Variants in DRC11 observed in about 807,000 individuals in gnomAD.
The protein encoded by DRC11 is dynein regulatory complex subunit 11.
At chr2:236,435,935 A>G in the DRC11 span, among the ~76,000 whole-genome samples, 1 of 152,202 alleles carries the variant, frequency 6.6e-6, no homozygotes, top group African/African-American at 2.4e-5. Flanking sequence ...AAGAGCATTT[A>G]TGAGCCAAAG....
chr2:236,413,196 G>A, the DRC11 span, among the ~76,000 whole-genome samples: 1 of 152,116 alleles, frequency 6.6e-6, no homozygotes, highest in Non-Finnish European at 1.5e-5. The surrounding 1 kb of genome is among the most constrained non-coding windows in gnomAD (Gnocchi z 4.0). Flanking sequence ...TTTATAAAAG[G>A]GACCTCTTGA....
the DRC11 span, chr2:236,493,671 C>T: frequency 9.6e-7 from 1 of 1,038,002 alleles, no homozygotes. Flanking sequence ...TCTGCTTAAA[C>T]TGAAAATAAT....
chr2:236,389,445 C>A, the DRC11 span, among the ~76,000 whole-genome samples: 1 of 152,202 alleles, frequency 6.6e-6, no homozygotes, highest in African/African-American at 2.4e-5. Flanking sequence ...TCCGTCACCC[C>A]TTTCTTTGAC....
At chr2:236,395,821 T>C in the DRC11 span, among the ~76,000 whole-genome samples, 1 of 152,188 alleles carries the variant, frequency 6.6e-6, no homozygotes, top group Non-Finnish European at 1.5e-5. Flanking sequence ...CATCAGGGCA[T>C]TTTAAACAAA....
the DRC11 span, among the ~76,000 whole-genome samples, chr2:236,355,727 C>T: frequency 1.5e-5 from 2 of 137,166 alleles, no homozygotes; most frequent in African/African-American, 5.5e-5. Flanking sequence ...GTACATCTCT[C>T]TCTCTCTCTC....
chr2:236,309,678 G>T, the DRC11 span, among the ~76,000 whole-genome samples: 1 of 152,140 alleles, frequency 6.6e-6, no homozygotes, highest in Non-Finnish European at 1.5e-5. The surrounding 1 kb of genome is among the most constrained non-coding windows in gnomAD (Gnocchi z 5.7). Context: ...ACACGCATGG[G>T]TCATCCTAGA....
the DRC11 span, among the ~76,000 whole-genome samples, chr2:236,424,669 T>C: frequency 1.3e-5 from 2 of 150,352 alleles, no homozygotes; most frequent in African/African-American, 5.0e-5. Flanking sequence ...GATGAGAACA[T>C]TTACAATCTA....
At chr2:236,484,439 T>C in the DRC11 span, among the ~76,000 whole-genome samples, 2 of 152,370 alleles carry the variant, frequency 1.3e-5, no homozygotes, top group Admixed American at 6.5e-5. Context: ...ATGGTGTTCA[T>C]ATTTTACATT....
chr2:236,446,511 C>A, the DRC11 span, among the ~76,000 whole-genome samples: 1 of 152,202 alleles, frequency 6.6e-6, no homozygotes, highest in Admixed American at 6.5e-5. The surrounding 1 kb of genome is among the most constrained non-coding windows in gnomAD (Gnocchi z 6.2). Flanking sequence ...TTTGTGGAAC[C>A]TGATTCCTCT....
At chr2:236,334,221 C>T in the DRC11 span, among the ~76,000 whole-genome samples, 3 of 152,186 alleles carry the variant, frequency 2.0e-5, no homozygotes, top group Non-Finnish European at 2.9e-5. The surrounding 1 kb of genome is among the most constrained non-coding windows in gnomAD (Gnocchi z 7.8). Flanking sequence ...TTCAAAGAAT[C>T]GCTTCTATTG....
chr2:236,456,105 T>C, the DRC11 span, among the ~76,000 whole-genome samples: 2 of 152,208 alleles, frequency 1.3e-5, no homozygotes, highest in Non-Finnish European at 2.9e-5. The surrounding 1 kb of genome is among the most constrained non-coding windows in gnomAD (Gnocchi z 5.4). Flanking sequence ...GTACTATGGA[T>C]ATGGGAAACA....
the DRC11 span, among the ~76,000 whole-genome samples, chr2:236,357,653 T>G: frequency 1.0e-5 from 1 of 96,172 alleles, no homozygotes; most frequent in African/African-American, 4.5e-5. Context: ...AATATATAAA[T>G]TATATTCATA....
At chr2:236,410,565 CA>C in the DRC11 span, among the ~76,000 whole-genome samples, 1 of 149,866 alleles carries the variant, frequency 6.7e-6, no homozygotes, top group Non-Finnish European at 1.5e-5. Flanking sequence ...CATATGGAAC[CA>C]AAAAAGAGCC....
At chr2:236,310,691 G>A in the DRC11 span, among the ~76,000 whole-genome samples, 2 of 152,214 alleles carry the variant, frequency 1.3e-5, no homozygotes, top group Non-Finnish European at 2.9e-5. This position sits in a 1 kb window ranked among gnomAD's most constrained non-coding sequence, Gnocchi z 5.5. Context: ...ATTATAATTT[G>A]CTCCAACCAG....
the DRC11 span, among the ~76,000 whole-genome samples, chr2:236,442,747 T>C: frequency 2.2e-4 from 34 of 152,318 alleles, no homozygotes; most frequent in African/African-American, 7.9e-4. Context: ...ATGGAAGGTC[T>C]AAGTCATGGG....
At chr2:236,391,846 C>T in the DRC11 span, 3 of 726,630 alleles carry the variant, frequency 4.1e-6, no homozygotes, top group South Asian at 1.6e-5. The surrounding 1 kb of genome is among the most constrained non-coding windows in gnomAD (Gnocchi z 4.5). Context: ...TTACCAAAGG[C>T]AGGCATGTTT....
chr2:236,446,135 G>C, the DRC11 span, among the ~76,000 whole-genome samples: 1 of 152,154 alleles, frequency 6.6e-6, no homozygotes. The surrounding 1 kb of genome is among the most constrained non-coding windows in gnomAD (Gnocchi z 6.2). Flanking sequence ...GCTGTGTCCT[G>C]GGGCACAAAC....
At chr2:236,462,607 G>A in the DRC11 span, among the ~76,000 whole-genome samples, 3 of 152,198 alleles carry the variant, frequency 2.0e-5, no homozygotes, top group Admixed American at 1.3e-4. This position sits in a 1 kb window ranked among gnomAD's most constrained non-coding sequence, Gnocchi z 6.4. Context: ...GGCGGCGGAG[G>A]TTGCAGTGAG....
At chr2:236,380,539 G>C in the DRC11 span, 1 of 1,519,304 alleles carries the variant, frequency 6.6e-7, no homozygotes, top group Non-Finnish European at 8.9e-7. The surrounding 1 kb of genome is among the most constrained non-coding windows in gnomAD (Gnocchi z 4.9). Flanking sequence ...CTGCTCACGC[G>C]CATCACAACA....
Sources: gnomAD v4.1 joint callset for allele counts (sites outside exome capture counted in the v4.1 genomes callset) on GRCh38, gnomAD v4.1.1 for gene constraint, Gnocchi (gnomAD v3.1) non-coding constraint, MANE v1.5 for transcripts, NCBI Gene and HGNC (gene_info 2026-07-23, HGNC 2026-07-21) for gene names.